SLC18A1: variants seen among roughly 807,000 people sequenced by gnomAD.
The protein encoded by SLC18A1 is solute carrier family 18 member A1.
In SLC18A1, 69 loss-of-function variants were observed where a neutral mutation model predicts 53.7. The observed-to-expected ratio is 1.28, with a 90% CI of 1.06 to 1.57. The LOEUF (loss-of-function observed/expected upper bound fraction) is 1.57, where lower values mean the gene tolerates loss of function less well. SLC18A1 is among the 40% of genes most tolerant of loss of function. SLC18A1 has a pLI of 0.00. For synonymous variants in SLC18A1, 320 were observed against 248.1 expected (o/e 1.29, Z -2.72); for missense variants, 932 against 668.1 (o/e 1.40, Z -4.35).
chr8:20,174,273 T>G, intron 5 of SLC18A1, 88 bp downstream of exon 5: 1 of 989,262 alleles, frequency 1.0e-6, no homozygotes, highest in Middle Eastern at 2.1e-4. Flanking sequence ...CCTTAATTTC[T>G]CCATGTAAAT....
chr8:20,146,860 T>C lies in SLC18A1; in HGVS notation c.1464+398A>G, dbSNP rs79821925. Among the ~76,000 whole-genome samples the C allele has an allele frequency of 7.2e-3, 1,081 of 150,506 alleles. 8 individuals carry two copies. The highest frequency in any genetic ancestry group is 9.2e-3 in the Non-Finnish European group (622 of 67,800). On this transcript the variant is annotated intron_variant, in intron 15 of 15. Coordinates refer to ENST00000276373, the MANE Select transcript of SLC18A1 (RefSeq NM_003053.4). ...AAAAAGTGACCTGGTAAGGATAATG[T>C]TGCACTAGAGTGAATGAGTGGATGA... is the stretch of plus-strand genomic sequence containing the variant.
chr8:20,180,323 C>T (rs1232063307), intron 2 of SLC18A1, among the ~76,000 whole-genome samples: 2 of 151,998 alleles, frequency 1.3e-5, no homozygotes, highest in Non-Finnish European at 2.9e-5. Flanking sequence ...CCTTTTAGTG[C>T]CCATTTATAC....
At chr8:20,178,212 T>C (rs1179963407) in intron 4 of SLC18A1, among the ~76,000 whole-genome samples, 1 of 151,916 alleles carries the variant, frequency 6.6e-6, no homozygotes, top group East Asian at 1.9e-4. Context: ...GTGAATAAAA[T>C]ATCTGTTCTT....
chr8:20,154,318 C>G (rs933225667), intron 10 of SLC18A1, among the ~76,000 whole-genome samples: 1 of 152,050 alleles, frequency 6.6e-6, no homozygotes, highest in Non-Finnish European at 1.5e-5. Flanking sequence ...CAGTTATCCA[C>G]CTGGATATTG....
intron 10 of SLC18A1, among the ~76,000 whole-genome samples, chr8:20,163,284 T>C (rs1408212386): frequency 6.6e-6 from 1 of 152,156 alleles, no homozygotes; most frequent in Non-Finnish European, 1.5e-5. Context: ...GCTCCCATGA[T>C]CTCATCATCT....
chr8:20,174,229 G>A, intron 5 of SLC18A1, 132 bp downstream of exon 5: 1 of 735,828 alleles, frequency 1.4e-6, no homozygotes, highest in South Asian at 1.6e-5. Flanking sequence ...CCTTATTTCT[G>A]AATCACAATT....
intron 8 of SLC18A1, among the ~76,000 whole-genome samples, chr8:20,170,252 A>G (rs1350065269): frequency 1.3e-5 from 2 of 152,194 alleles, no homozygotes; most frequent in Non-Finnish European, 1.5e-5. Context: ...TGATTATGTC[A>G]TAGTTTCAAA....
chr8:20,148,584 G>A (rs2071465825), intron 12 of SLC18A1: 1 of 672,000 alleles, frequency 1.5e-6, no homozygotes, highest in Non-Finnish European at 2.4e-6. Flanking sequence ...GGGGGCAGGT[G>A]GTGTGGCTTG....
intron 6 of SLC18A1, 31 bp downstream of exon 6, chr8:20,173,005 C>G: frequency 6.6e-7 from 1 of 1,514,576 alleles, no homozygotes; most frequent in African/African-American, 1.4e-5. Context: ...CCCACCCTCC[C>G]GAACCCAGAG....
intron 8 of SLC18A1, among the ~76,000 whole-genome samples, chr8:20,166,465 G>A (rs999433197): frequency 6.6e-6 from 1 of 151,036 alleles, no homozygotes; most frequent in African/African-American, 2.4e-5. Flanking sequence ...AATAGAAAAG[G>A]GAAAAATAAG....
chr8:20,149,496 AAC>A (rs1445385616), intron 12 of SLC18A1, among the ~76,000 whole-genome samples, 178 bp downstream of exon 12: 1 of 151,780 alleles, frequency 6.6e-6, no homozygotes, highest in East Asian at 1.9e-4. Context: ...CCTATTCAGA[AAC>A]AGTCTTTCTG....
intron 8 of SLC18A1, among the ~76,000 whole-genome samples, chr8:20,166,719 C>A (rs1473807353): frequency 1.3e-5 from 2 of 152,020 alleles, no homozygotes; most frequent in East Asian, 3.9e-4. Context: ...GTCCCCCCAC[C>A]TTAGTCAAAT....
intron 10 of SLC18A1, among the ~76,000 whole-genome samples, chr8:20,152,750 G>T (rs73210887): frequency 0.33 from 50,549 of 152,052 alleles, 10,256 homozygotes; most frequent in Non-Finnish European, 0.45. Context: ...CTGAGCCTTG[G>T]GGGACTCCTA....
intron 10 of SLC18A1, among the ~76,000 whole-genome samples, chr8:20,159,449 A>T (rs149011537): frequency 1.3e-5 from 2 of 152,052 alleles, no homozygotes. Flanking sequence ...GCTCACTAAA[A>T]TACCAATTAG....
chr8:20,178,619 A>C (rs749816610), intron 3 of SLC18A1, 126 bp from the exon 4 acceptor site: 3 of 695,940 alleles, frequency 4.3e-6, no homozygotes, highest in Non-Finnish European at 7.4e-6. Flanking sequence ...CATGCCTCTG[A>C]ATGTAGTGTG....
intron 4 of SLC18A1, chr8:20,175,488 T>C (rs550057205): frequency 6.6e-6 from 1 of 152,284 alleles, no homozygotes; most frequent in South Asian, 2.1e-4. Flanking sequence ...TAAAGACAAG[T>C]GTGAGAAATT....
chr8:20,159,150 C>A (rs1275512781), intron 10 of SLC18A1, among the ~76,000 whole-genome samples: 1 of 152,136 alleles, frequency 6.6e-6, no homozygotes, highest in Admixed American at 6.5e-5. Flanking sequence ...GGCCTGCTAG[C>A]CCATGCTCCA....
chr8:20,146,481 T>C (rs561559404), intron 15 of SLC18A1, among the ~76,000 whole-genome samples: 1 of 152,296 alleles, frequency 6.6e-6, no homozygotes, highest in African/African-American at 2.4e-5. Flanking sequence ...TGTCTTCTTT[T>C]GTTCCCTTGA....
intron 11 of SLC18A1, 49 bp downstream of exon 11, chr8:20,150,617 C>T: frequency 1.3e-6 from 2 of 1,502,682 alleles, no homozygotes; most frequent in Non-Finnish European, 1.9e-6. Context: ...AACGGGCGCT[C>T]TTCCATCTTA....
Sources: gnomAD v4.1 joint callset for allele counts (sites outside exome capture counted in the v4.1 genomes callset) on GRCh38, gnomAD v4.1.1 for gene constraint, MANE v1.5 for transcripts, NCBI Gene and HGNC (gene_info 2026-07-23, HGNC 2026-07-21) for gene names.